Variants in DAAM1 observed in about 807,000 individuals in gnomAD.
The protein encoded by DAAM1 is disheveled-associated activator of morphogenesis 1.
DAAM1 carries 52 observed loss-of-function variants against 130.0 expected under a neutral mutation model. The ratio of observed to expected loss-of-function variants is 0.40; its 90% confidence interval spans 0.32 to 0.50. The LOEUF is 0.50. Ranked by LOEUF, DAAM1 falls within the 20% of genes least tolerant of loss-of-function variation. DAAM1 has a pLI of 0.61. For missense variants in DAAM1, 1,134 were observed against 1,303.8 expected, an observed-to-expected ratio of 0.87 and a Z score of 2.01; for synonymous variants, 452 against 444.5, an observed-to-expected ratio of 1.02 and a Z score of -0.21.
At position 59,234,469 on chromosome 14, in the gene DAAM1, T is replaced by C. The variant is rs370813659; in HGVS notation, c.-37-28972T>C. Among the ~76,000 whole-genome samples, 23 of 152,302 alleles carry C rather than the reference T, an allele frequency of 1.5e-4. 1 individual carries two copies. Among genetic ancestry groups the C allele is most frequent in the Admixed American group, 8.5e-4 (13 of 15,302 alleles). On this transcript the variant is annotated intron_variant, in intron 1 of 24. Coordinates refer to ENST00000360909, the MANE Select transcript of DAAM1 (RefSeq NM_001270520.2). ...TAGGAATGCTTGTGATTTTTGCACA[T>C]TGATTTTGTATCCTGAGACTTTGCT...
intron 1 of DAAM1, among the ~76,000 whole-genome samples, chr14:59,190,267 C>T (rs1235480263): frequency 6.6e-6 from 1 of 152,138 alleles, no homozygotes; most frequent in African/African-American, 2.4e-5. Flanking sequence ...CCTCATCACG[C>T]CACCTCTCTC....
intron 6 of DAAM1, among the ~76,000 whole-genome samples, chr14:59,323,812 C>T (rs559349648): frequency 2.0e-5 from 3 of 152,064 alleles, no homozygotes; most frequent in Admixed American, 6.6e-5. Flanking sequence ...GCAGGCGGAT[C>T]GCAAGGTCAG....
chr14:59,331,152 C>A, intron 13 of DAAM1, 57 bp from the exon 14 acceptor site: 2 of 1,589,970 alleles, frequency 1.3e-6, no homozygotes, highest in South Asian at 1.2e-5. Flanking sequence ...ACTCTTAAAT[C>A]ATTCAATGAA....
intron 1 of DAAM1, among the ~76,000 whole-genome samples, chr14:59,240,192 A>G (rs1419854322): frequency 6.6e-6 from 1 of 152,144 alleles, no homozygotes; most frequent in African/African-American, 2.4e-5. Context: ...GGTAGGGTTT[A>G]TGTCCTTGCT....
At chr14:59,231,445 A>G (rs1889103814) in intron 1 of DAAM1, among the ~76,000 whole-genome samples, 1 of 152,218 alleles carries the variant, frequency 6.6e-6, no homozygotes, top group South Asian at 2.1e-4. Flanking sequence ...CAAACTCAGC[A>G]TCAGATTTGT....
intron 23 of DAAM1, among the ~76,000 whole-genome samples, chr14:59,364,625 C>T (rs1886841896): frequency 6.6e-6 from 1 of 151,146 alleles, no homozygotes; most frequent in Non-Finnish European, 1.5e-5. Context: ...GTTGCCACAA[C>T]ACTCTGAGTC....
intron 11 of DAAM1, 43 bp downstream of exon 11, chr14:59,326,691 A>G (rs943224427): frequency 3.8e-6 from 6 of 1,598,096 alleles, no homozygotes; most frequent in African/African-American, 2.7e-5. Context: ...AATGGTGACA[A>G]TGTAAGATAT....
intron 3 of DAAM1, among the ~76,000 whole-genome samples, chr14:59,313,249 G>GTT (rs1884660555): frequency 6.6e-6 from 1 of 152,092 alleles, no homozygotes; most frequent in South Asian, 2.1e-4. Context: ...GTATTGCACA[G>GTT]GGGAAACTGG....
chr14:59,331,147 T>A, intron 13 of DAAM1, 62 bp from the exon 14 acceptor site: 1 of 1,587,544 alleles, frequency 6.3e-7, no homozygotes, highest in Non-Finnish European at 8.6e-7. Flanking sequence ...TACAGACTCT[T>A]AAATCATTCA....
At chr14:59,225,019 G>GGTTTTTTTTTTTTTTTTTTT (rs1566656869) in intron 1 of DAAM1, among the ~76,000 whole-genome samples, 2 of 90,782 alleles carry the variant, frequency 2.2e-5, no homozygotes, top group Non-Finnish European at 2.1e-5. Flanking sequence ...ATCTGTGTGG[G>GGTTTTTTTTTTTTTTTTTTT]TTTTTTTTTT....
chr14:59,226,441 G>T (rs1211089486), intron 1 of DAAM1, among the ~76,000 whole-genome samples: 1 of 152,136 alleles, frequency 6.6e-6, no homozygotes, highest in Non-Finnish European at 1.5e-5. Context: ...AGGAAGACTG[G>T]AAAGCATAGG....
chr14:59,205,729 G>T (rs1374124480), intron 1 of DAAM1, among the ~76,000 whole-genome samples: 2 of 152,154 alleles, frequency 1.3e-5, no homozygotes, highest in Non-Finnish European at 2.9e-5. Context: ...ACTTTATATT[G>T]TGTTAAGAGA....
intron 1 of DAAM1, among the ~76,000 whole-genome samples, chr14:59,208,537 T>C (rs1271167570): frequency 1.3e-5 from 2 of 152,202 alleles, no homozygotes; most frequent in African/African-American, 4.8e-5. Flanking sequence ...GCAGGTTTTG[T>C]CCAACTCTCT....
rs749698227 is a variant in DAAM1 at position 59,263,497 on chromosome 14, G to A, written c.20G>A (p.Gly7Asp). The A allele has an allele frequency of 6.2e-7, 1 of 1,614,218 alleles. No individual in the cohort carries two copies. The highest frequency in any genetic ancestry group is 8.5e-7 in the Non-Finnish European group (1 of 1,180,032). MAPRKRGGRGISFIFCC... is the reference protein window; with the variant it reads MAPRKRDGRGISFIFCC... ...TCAGCCATGGCCCCAAGAAAGAGAG[G>A]TGGACGAGGTATTTCATTCATCTTT... The change falls in exon 2 of 25, where the codon GGT (glycine) becomes GAT (aspartate). Residue 7 changes from glycine (G) to aspartate (D), a missense_variant. Transcript: ENST00000360909.
intron 1 of DAAM1, among the ~76,000 whole-genome samples, chr14:59,208,139 A>T (rs1888320545): frequency 1.3e-5 from 2 of 152,238 alleles, no homozygotes; most frequent in African/African-American, 2.4e-5. Flanking sequence ...ACTCTTAATA[A>T]AACTCTTAGA....
intron 1 of DAAM1, among the ~76,000 whole-genome samples, chr14:59,222,072 C>T (rs760770185): frequency 1.3e-5 from 2 of 152,160 alleles, no homozygotes; most frequent in Admixed American, 6.5e-5. Context: ...GTGTTGTCAG[C>T]TACGTAGCAT....
chr14:59,291,456 GTGTCAATTCCCTGGATGTTGTTTT>G, intron 3 of DAAM1, 150 bp downstream of exon 3: 2 of 593,872 alleles, frequency 3.4e-6, no homozygotes, highest in Non-Finnish European at 5.7e-6. Flanking sequence ...CATGTAGCCA[GTGTCAATTCCCTGGATGTTGTTTT>G]TGTCAGTACT....
chr14:59,310,975 A>AC (rs1257252977), intron 3 of DAAM1, among the ~76,000 whole-genome samples: 1 of 151,858 alleles, frequency 6.6e-6, no homozygotes, highest in Non-Finnish European at 1.5e-5. Flanking sequence ...AAAAACAAAA[A>AC]AAACAAACAA....
intron 2 of DAAM1, chr14:59,264,851 GTGT>G (rs1297420144): frequency 6.6e-6 from 1 of 152,106 alleles, no homozygotes; most frequent in Non-Finnish European, 1.5e-5. Flanking sequence ...GCCCCAGTGT[GTGT>G]TGTTTCCCCC....
Sources: gnomAD v4.1 joint callset for allele counts (sites outside exome capture counted in the v4.1 genomes callset) on GRCh38, gnomAD v4.1.1 for gene constraint, MANE v1.5 for transcripts, NCBI Gene and HGNC (gene_info 2026-07-23, HGNC 2026-07-21) for gene names.